NUP155: variants seen among roughly 807,000 people sequenced by gnomAD.
NUP155 encodes the protein nuclear pore complex protein Nup155.
NUP155 carries 71 observed loss-of-function variants against 180.4 expected under a neutral mutation model. The observed-to-expected ratio is 0.39, with a 90% CI of 0.33 to 0.48. NUP155 has a LOEUF of 0.48. NUP155 is among the 20% of genes least tolerant of loss of function. NUP155 has a pLI of 0.91. For missense variants in NUP155, 1,553 were observed against 1,648.9 expected (o/e 0.94, Z 1.01); for synonymous variants, 582 against 559.5 (o/e 1.04, Z -0.57).
Position 37,327,629 on chromosome 5 carries a change from C to G in NUP155, c.2024G>C (p.Gly675Ala). The change falls in exon 18 of 35, where the codon GGA becomes GCA. Residue 675 changes from glycine (G) to alanine (A), a missense_variant and splice_region_variant. By Grantham distance (60) the Gly-to-Ala change is moderately conservative (BLOSUM62 0). Transcript: ENST00000231498. ...GICIYFSRIM[G>A]NIWDASLVVE... ...ATTCATTATTTCATGACAAACTTAC[C>G]CCATGATCCGAGAAAAGTAAATGCA... is the stretch of plus-strand genomic sequence containing the variant. 1 of 1,613,966 alleles carries G rather than the reference C, an allele frequency of 6.2e-7. No individual in the cohort carries two copies. Among genetic ancestry groups the G allele is most frequent in the Non-Finnish European group, 8.5e-7 (1 of 1,179,938 alleles).
At chr5:37,358,713 GAC>G (rs1386051068) in intron 3 of NUP155, among the ~76,000 whole-genome samples, 7 of 152,028 alleles carry the variant, frequency 4.6e-5, no homozygotes, top group Admixed American at 2.0e-4. Flanking sequence ...AATAAATTTA[GAC>G]ACAGAATATA....
At chr5:37,340,673 C>G (rs1048486791) in intron 11 of NUP155, among the ~76,000 whole-genome samples, 2 of 152,168 alleles carry the variant, frequency 1.3e-5, no homozygotes, top group African/African-American at 2.4e-5. Context: ...GGTGCTCAGA[C>G]AGCTAGATAA....
At position 37,311,931 on chromosome 5, in the gene NUP155, G is replaced by T. The variant is rs148476041; in HGVS notation, c.2437-1188C>A. ...AGCTACTCGGGAAGCTGAGGCAGGAGAACTGCTTGTACCCGGGAGGTGGAG... is the reference window on the plus strand; with the variant it reads ...AGCTACTCGGGAAGCTGAGGCAGGATAACTGCTTGTACCCGGGAGGTGGAG... On this transcript the variant is annotated intron_variant, in intron 22 of 34. Transcript: ENST00000231498. Among the ~76,000 whole-genome samples, 206 of 152,304 alleles carry T rather than the reference G, an allele frequency of 1.4e-3. 3 individuals carry two copies. Among genetic ancestry groups the T allele is most frequent in the African/African-American group, 4.8e-3 (198 of 41,562 alleles).
At chr5:37,351,421 T>C in intron 5 of NUP155, 65 bp from the exon 6 acceptor site, 3 of 1,149,528 alleles carry the variant, frequency 2.6e-6, no homozygotes, top group East Asian at 2.3e-5. Context: ...AATCTTTGCA[T>C]TATCATCAGA....
chr5:37,350,393 T>G, intron 6 of NUP155, 128 bp from the exon 7 acceptor site: 1 of 662,720 alleles, frequency 1.5e-6, no homozygotes, highest in East Asian at 2.7e-5. Flanking sequence ...TAATACCAGT[T>G]ATAATCAACA....
intron 3 of NUP155, among the ~76,000 whole-genome samples, chr5:37,360,876 A>G (rs1747168637): frequency 6.6e-6 from 1 of 152,202 alleles, no homozygotes; most frequent in Non-Finnish European, 1.5e-5. Flanking sequence ...AGAGACAGAA[A>G]GTGGAAAAAC....
chr5:37,352,885 G>A (rs996815341), intron 4 of NUP155, 56 bp from the exon 5 acceptor site: 4 of 1,213,102 alleles, frequency 3.3e-6, no homozygotes, highest in East Asian at 4.7e-5. Context: ...CACTAACAGA[G>A]TAAGCTTTTA....
At chr5:37,310,781 TACCATATTTCTAAACATA>T in intron 22 of NUP155, 38 bp from the exon 23 acceptor site, 1 of 1,423,512 alleles carries the variant, frequency 7.0e-7, no homozygotes, top group Non-Finnish European at 9.9e-7. Context: ...ATTATAGAAA[TACCATATTTCTAAACATA>T]ATGAAATTAT....
intron 12 of NUP155, among the ~76,000 whole-genome samples, chr5:37,334,435 C>T (rs947591258): frequency 6.6e-6 from 1 of 151,412 alleles, no homozygotes. Flanking sequence ...GGCTGGAGTG[C>T]AGTGGCCTAA....
At chr5:37,332,615 G>A (rs1020633011) in intron 13 of NUP155, among the ~76,000 whole-genome samples, 2 of 152,088 alleles carry the variant, frequency 1.3e-5, no homozygotes, top group Admixed American at 6.6e-5. Flanking sequence ...GCAACTAAGA[G>A]TGGATTCTTT....
At chr5:37,345,627 G>A (rs1288524082) in intron 9 of NUP155, among the ~76,000 whole-genome samples, 3 of 151,588 alleles carry the variant, frequency 2.0e-5, no homozygotes, top group Non-Finnish European at 4.4e-5. Context: ...TAGTTTTGCC[G>A]GGTGCAGTGG....
intron 17 of NUP155, 31 bp from the exon 18 acceptor site, chr5:37,327,807 T>G: frequency 6.2e-7 from 1 of 1,607,378 alleles, no homozygotes. Context: ...ACAAATCTCT[T>G]AATCTTAATC....
intron 17 of NUP155, 103 bp from the exon 18 acceptor site, chr5:37,327,879 C>T: frequency 1.5e-6 from 2 of 1,318,808 alleles, no homozygotes; most frequent in South Asian, 2.6e-5. Flanking sequence ...ATCTTAGAAC[C>T]CATAAAATTC....
rs188762333 is a variant in NUP155, at chr5:37,328,238, A to T, written c.1876+120T>A. 505 of 831,138 alleles carry T rather than the reference A, an allele frequency of 6.1e-4. 5 individuals carry two copies. In the African/African-American group the frequency reaches 8.0e-3, roughly 13 times the overall value. The allele number at this position is 831,138 out of a possible 1,614,324, so 51.5% of individuals were successfully genotyped here. On this transcript the variant is annotated intron_variant, in intron 17 of 34. Coordinates refer to ENST00000231498, the MANE Select transcript of NUP155 (RefSeq NM_153485.3). ...AAAACTTGCTTGGACAGCGCTTCTA[A>T]AATTATATTTATTTTCAAGGGAATA...
At chr5:37,326,696 G>C (rs56401) in intron 18 of NUP155, among the ~76,000 whole-genome samples, 4,095 of 152,242 alleles carry the variant, frequency 0.027, 202 homozygotes, top group African/African-American at 0.093. Context: ...GAACATGTGA[G>C]AGTCTAGCCA....
At chr5:37,316,450 G>GA (rs1351312317) in intron 21 of NUP155, among the ~76,000 whole-genome samples, 1 of 152,050 alleles carries the variant, frequency 6.6e-6, no homozygotes, top group Admixed American at 6.6e-5. Flanking sequence ...TATTTCATGG[G>GA]TACAGAGTGA....
At chr5:37,317,867 T>C (rs1270109947) in intron 21 of NUP155, 121 bp downstream of exon 21, 1 of 753,636 alleles carries the variant, frequency 1.3e-6, no homozygotes, top group East Asian at 2.5e-5. Flanking sequence ...TACACTGATA[T>C]TTTAATTACA....
At position 37,352,796 on chromosome 5, in the gene NUP155, A is replaced by G. The variant is rs1195450675; in HGVS notation, c.497T>C (p.Val166Ala). ...TACTATGTCTACAGGGGTCGCCAAA[A>G]CCAGGAGGTGTCGCACATGAGGTTG... ...IFQPHVRHLL[V>A]LATPVDIVIL... The change falls in exon 5 of 35, where the codon GTT becomes GCT. Residue 166 changes from valine (V) to alanine (A), a missense_variant. Val to Ala is a moderately conservative substitution (Grantham distance 64). Transcript: ENST00000231498. 1 of 1,613,690 alleles carries G rather than the reference A, an allele frequency of 6.2e-7. No homozygotes were observed. Among genetic ancestry groups the G allele is most frequent in the Non-Finnish European group, 8.5e-7 (1 of 1,179,700 alleles).
intron 1 of NUP155, among the ~76,000 whole-genome samples, chr5:37,365,776 C>CAT (rs1475077567): frequency 5.1e-5 from 7 of 136,600 alleles, no homozygotes; most frequent in Non-Finnish European, 1.6e-5. Context: ...CACACACACA[C>CAT]ACACACACAC....
Sources: allele counts gnomAD v4.1 joint callset (sites outside exome capture counted in the v4.1 genomes callset), GRCh38; gene constraint gnomAD v4.1.1; transcripts MANE v1.5; gene names NCBI Gene and HGNC (gene_info 2026-07-23, HGNC 2026-07-21).